Variants in LRRC28 observed in about 807,000 individuals in gnomAD.
The protein encoded by LRRC28 is leucine rich repeat containing 28, also known as leucine-rich repeat-containing protein 28.
A neutral mutation model predicts 45.7 loss-of-function variants in LRRC28; 39 were observed. The ratio of observed to expected loss-of-function variants is 0.85; its 90% confidence interval spans 0.66 to 1.12. The LOEUF (loss-of-function observed/expected upper bound fraction) is 1.12. LRRC28 is among the 50% of genes most tolerant of loss of function. LRRC28 has a pLI of 0.00. For synonymous variants in LRRC28, 206 were observed against 178.8 expected, an observed-to-expected ratio of 1.15 and a Z score of -1.22; for missense variants, 435 against 438.5, an observed-to-expected ratio of 0.99 and a Z score of 0.07.
chr15:99,331,826 C>G (rs568614310), intron 5 of LRRC28: 3 of 152,250 alleles, frequency 2.0e-5, no homozygotes, highest in South Asian at 2.1e-4. Flanking sequence ...TTTAACCCCC[C>G]GCCATGCCCT....
intron 5 of LRRC28, among the ~76,000 whole-genome samples, chr15:99,324,449 A>G (rs1955903159): frequency 6.6e-6 from 1 of 152,070 alleles, no homozygotes; most frequent in African/African-American, 2.4e-5. Context: ...TACCGGAAAA[A>G]GCAAGTGCTT....
Position 99,279,738 on chromosome 15 carries a change from GTAT to G in LRRC28, c.209+3126_209+3128del, listed in dbSNP as rs375770501. Among the ~76,000 whole-genome samples, 1,036 of 152,238 alleles carry G rather than the reference GTAT, an allele frequency of 6.8e-3. 14 individuals are homozygous for G. Among genetic ancestry groups the G allele is most frequent in the African/African-American group, 0.023 (935 of 41,526 alleles). On this transcript the variant is annotated intron_variant, in intron 3 of 9. Coordinates refer to ENST00000301981, the MANE Select transcript of LRRC28 (RefSeq NM_144598.5). ...TTTTTTTCTTGGATAAATTCTCCCT[GTAT>G]TATGGTAAGCCTTAGGTTCATTTCC...
intron 9 of LRRC28, among the ~76,000 whole-genome samples, chr15:99,366,526 G>A (rs1188387879): frequency 6.6e-6 from 1 of 152,214 alleles, no homozygotes; most frequent in Non-Finnish European, 1.5e-5. Context: ...GAGGAAAGAA[G>A]TCTGAAATCA....
intron 5 of LRRC28, among the ~76,000 whole-genome samples, chr15:99,288,772 C>T (rs571789219): frequency 2.0e-5 from 3 of 152,066 alleles, no homozygotes; most frequent in African/African-American, 4.8e-5. Context: ...CTCCGCCTCC[C>T]GGGTTCAAGT....
Position 99,256,110 on chromosome 15 carries a change from C to T in LRRC28, c.153C>T (p.Asn51=). 6.2e-7 allele frequency: 1 copy of T among 1,610,336 alleles called. No individual in the cohort carries two copies. Among genetic ancestry groups the T allele is most frequent in the Non-Finnish European group, 8.5e-7 (1 of 1,178,588 alleles). ...QYLERLYMKR[N]SLTSLPENLA... is the part of the protein sequence containing the mutation. ...TGGAGAGACTCTATATGAAAAGGAACTCCCTGACATCCTTGGTACAGTATT... is the reference window on the plus strand; with the variant it reads ...TGGAGAGACTCTATATGAAAAGGAATTCCCTGACATCCTTGGTACAGTATT... Residue 51 remains asparagine, a synonymous_variant, in exon 2 of 10, where the codon AAC becomes AAT. Coordinates refer to ENST00000301981, the MANE Select transcript of LRRC28 (RefSeq NM_144598.5).
intron 3 of LRRC28, chr15:99,285,004 G>T: frequency 1.6e-6 from 1 of 642,926 alleles, no homozygotes; most frequent in Non-Finnish European, 2.9e-6. Flanking sequence ...CAGCCTCTTT[G>T]GCTGGATGAA....
At chr15:99,314,873 A>C (rs1955541160) in intron 5 of LRRC28, among the ~76,000 whole-genome samples, 1 of 152,214 alleles carries the variant, frequency 6.6e-6, no homozygotes, top group East Asian at 1.9e-4. Context: ...AGTGTGGCTC[A>C]TGCAGGACAA....
At chr15:99,290,697 C>G (rs1002709847) in intron 5 of LRRC28, among the ~76,000 whole-genome samples, 1 of 152,144 alleles carries the variant, frequency 6.6e-6, no homozygotes, top group Middle Eastern at 3.4e-3. Flanking sequence ...CATCTGTAAT[C>G]CCACCACTTT....
intron 5 of LRRC28, among the ~76,000 whole-genome samples, chr15:99,320,266 G>T (rs550835873): frequency 3.3e-5 from 5 of 151,936 alleles, no homozygotes; most frequent in African/African-American, 1.2e-4. Flanking sequence ...TTTTCTCCGT[G>T]TGCTTCCTGG....
At chr15:99,366,729 TG>T (rs1957350974) in intron 9 of LRRC28, among the ~76,000 whole-genome samples, 1 of 152,048 alleles carries the variant, frequency 6.6e-6, no homozygotes, top group Admixed American at 6.6e-5. Context: ...GCCCTCACAC[TG>T]GGGGTTTGGG....
At chr15:99,261,964 C>T (rs1000716099) in intron 2 of LRRC28, among the ~76,000 whole-genome samples, 3 of 152,042 alleles carry the variant, frequency 2.0e-5, no homozygotes, top group Admixed American at 6.6e-5. Context: ...GCTGGTCTCA[C>T]CTTTTAACAC....
At chr15:99,377,232 G>A (rs546524604) in intron 9 of LRRC28, among the ~76,000 whole-genome samples, 7 of 151,632 alleles carry the variant, frequency 4.6e-5, no homozygotes, top group East Asian at 1.9e-4. Flanking sequence ...TTTAATGATC[G>A]CCATTCTAAC....
At chr15:99,345,723 A>T (rs1956658704) in intron 6 of LRRC28, among the ~76,000 whole-genome samples, 1 of 152,236 alleles carries the variant, frequency 6.6e-6, no homozygotes, top group Admixed American at 6.5e-5. Context: ...AGTTAACAGT[A>T]TGCAATATTT....
intron 9 of LRRC28, among the ~76,000 whole-genome samples, chr15:99,380,439 A>G (rs969001732): frequency 6.6e-6 from 1 of 152,160 alleles, no homozygotes; most frequent in Admixed American, 6.5e-5. Flanking sequence ...GTCTCTGCAC[A>G]TGAGATGGGT....
chr15:99,344,468 G>T (rs1054804920), intron 6 of LRRC28, among the ~76,000 whole-genome samples: 4 of 152,142 alleles, frequency 2.6e-5, no homozygotes, highest in Non-Finnish European at 5.9e-5. Flanking sequence ...GCATTATGCT[G>T]GCTAATGTAT....
chr15:99,331,197 A>G (rs1014659386), intron 5 of LRRC28, among the ~76,000 whole-genome samples: 1 of 152,130 alleles, frequency 6.6e-6, no homozygotes, highest in Non-Finnish European at 1.5e-5. Context: ...GTTCAAAATC[A>G]TTTATTTTAC....
At chr15:99,308,658 G>A (rs559441380) in intron 5 of LRRC28, among the ~76,000 whole-genome samples, 2 of 152,312 alleles carry the variant, frequency 1.3e-5, no homozygotes, top group South Asian at 2.1e-4. Context: ...GGGCAATAGA[G>A]TGGGACCCTG....
intron 9 of LRRC28, among the ~76,000 whole-genome samples, chr15:99,379,292 C>G (rs1192922572): frequency 3.3e-5 from 5 of 152,164 alleles, no homozygotes; most frequent in African/African-American, 1.2e-4. Flanking sequence ...AGGAATTTAT[C>G]CATTTCTTCT....
chr15:99,379,902 G>C (rs1355924119), intron 9 of LRRC28, among the ~76,000 whole-genome samples: 1 of 152,232 alleles, frequency 6.6e-6, no homozygotes, highest in African/African-American at 2.4e-5. Context: ...TGTGGTCTGA[G>C]AAACAGTTTG....
Sources: gnomAD v4.1 joint callset for allele counts (sites outside exome capture counted in the v4.1 genomes callset) on GRCh38, gnomAD v4.1.1 for gene constraint, MANE v1.5 for transcripts, NCBI Gene and HGNC (gene_info 2026-07-23, HGNC 2026-07-21) for gene names.